The following BRINP3 variants were observed in gnomAD, a reference collection of about 807,000 sequenced individuals.
The protein encoded by BRINP3 is BMP/retinoic acid-inducible neural-specific protein 3.
Under a neutral mutation model 71.0 loss-of-function variants are expected in BRINP3, and 19 were observed. That is an observed-to-expected ratio of 0.27 (90% confidence interval 0.19 to 0.39). The LOEUF (loss-of-function observed/expected upper bound fraction) is 0.39, where lower values mean the gene tolerates loss of function less well. Ranked by LOEUF, BRINP3 falls within the 10% of genes least tolerant of loss-of-function variation. The pLI, the probability that BRINP3 is intolerant of heterozygous loss-of-function variation, is 1.00. For missense variants in BRINP3, 959 were observed against 940.8 expected (o/e 1.02, Z -0.25); for synonymous variants, 380 against 337.7 (o/e 1.13, Z -1.37).
chr1:190,250,929 A>G (rs10800938), intron 4 of BRINP3, among the ~76,000 whole-genome samples: 86,242 of 151,624 alleles, frequency 0.57, 24,777 homozygotes, highest in Admixed American at 0.69. Flanking sequence ...TAAGGAGTAT[A>G]CCCTTAACTT....
At chr1:190,467,459 T>A (rs967478976) in intron 1 of BRINP3, among the ~76,000 whole-genome samples, 12 of 151,512 alleles carry the variant, frequency 7.9e-5, no homozygotes, top group African/African-American at 2.9e-4. Context: ...AATTGCCTCC[T>A]TAACTGCCAT....
At chr1:190,147,883 T>C (rs1346920216) in intron 7 of BRINP3, among the ~76,000 whole-genome samples, 3 of 152,196 alleles carry the variant, frequency 2.0e-5, no homozygotes, top group Non-Finnish European at 4.4e-5. Flanking sequence ...CTTAGGTTAC[T>C]TCCATCTAGA....
chr1:190,334,121 A>C (rs1377746325), intron 2 of BRINP3, among the ~76,000 whole-genome samples: 1 of 151,926 alleles, frequency 6.6e-6, no homozygotes, highest in Non-Finnish European at 1.5e-5. Flanking sequence ...AATAATAAAA[A>C]AGTTAAAAAT....
intron 2 of BRINP3, among the ~76,000 whole-genome samples, chr1:190,324,696 T>C (rs985722624): frequency 1.3e-5 from 2 of 151,928 alleles, no homozygotes; most frequent in Admixed American, 1.3e-4. Context: ...TTATTTGTAA[T>C]ATTTTAAATA....
chr1:190,374,069 T>C (rs1348936507), intron 2 of BRINP3, among the ~76,000 whole-genome samples: 2 of 151,840 alleles, frequency 1.3e-5, no homozygotes, highest in African/African-American at 4.8e-5. Context: ...ATTTTCTCTT[T>C]TAAAAAATAA....
intron 3 of BRINP3, among the ~76,000 whole-genome samples, chr1:190,277,787 G>T (rs1662713657): frequency 6.6e-6 from 1 of 151,550 alleles, no homozygotes; most frequent in Non-Finnish European, 1.5e-5. Flanking sequence ...TCCCAGAAGT[G>T]CAGTCTTTTT....
chr1:190,451,192 A>AG (rs1391641470), intron 2 of BRINP3, among the ~76,000 whole-genome samples: 1 of 151,264 alleles, frequency 6.6e-6, no homozygotes, highest in Non-Finnish European at 1.5e-5. Context: ...GGAAAGAAAA[A>AG]AAAAATTTTT....
Position 190,456,369 on chromosome 1 carries a change from G to A in BRINP3, c.-50-1429C>T, listed in dbSNP as rs185047350. On this transcript the variant is annotated intron_variant, in intron 1 of 7. Transcript: ENST00000367462. The stretch of plus-strand genomic sequence containing the variant: ...TGAGTTGCTCACTGAGGGGATTAAA[G>A]CGTACCGTCTTTTGTAAACAACATG... Among the ~76,000 whole-genome samples the A allele has an allele frequency of 2.2e-4, 33 of 152,244 alleles. No individual in the cohort carries two copies. In the East Asian group the frequency reaches 5.8e-3, roughly 27 times the overall value.
chr1:190,446,238 ATTG>A (rs931652461), intron 2 of BRINP3, among the ~76,000 whole-genome samples: 18 of 152,116 alleles, frequency 1.2e-4, no homozygotes, highest in Admixed American at 2.6e-4. Context: ...ATATAGCAAT[ATTG>A]TTGTTGAACA....
intron 7 of BRINP3, among the ~76,000 whole-genome samples, chr1:190,143,473 A>G (rs1198752851): frequency 6.6e-6 from 1 of 152,224 alleles, no homozygotes; most frequent in Non-Finnish European, 1.5e-5. Flanking sequence ...TTGAGGGACC[A>G]TTCTCATACC....
At chr1:190,297,741 C>T (rs1230249898) in intron 2 of BRINP3, among the ~76,000 whole-genome samples, 1 of 150,718 alleles carries the variant, frequency 6.6e-6, no homozygotes, top group Non-Finnish European at 1.5e-5. Context: ...CTGGTCATGG[C>T]GTAAATTCCT....
chr1:190,207,311 A>T (rs967503678), intron 6 of BRINP3, among the ~76,000 whole-genome samples: 4 of 152,108 alleles, frequency 2.6e-5, no homozygotes, highest in African/African-American at 9.7e-5. Flanking sequence ...AGCCAGTGCG[A>T]CAAATTTGGT....
Position 190,141,949 on chromosome 1 carries a change from T to A in BRINP3, c.1184+18719A>T, listed in dbSNP as rs553741132. ...GTTAATGTGAGGATCAAAAAAGATA[T>A]CGATTATGAAAAATATGAATAAAAG... On this transcript the variant is annotated intron_variant, in intron 7 of 7. Coordinates refer to ENST00000367462, the MANE Select transcript of BRINP3 (RefSeq NM_199051.3). 3.3e-5 allele frequency among the ~76,000 whole-genome samples: 5 copies of A among 152,132 alleles called. No homozygotes were observed. The South Asian group carries it at 1.0e-3, about 32-fold the overall frequency.
At chr1:190,137,901 T>C (rs1655107545) in intron 7 of BRINP3, among the ~76,000 whole-genome samples, 1 of 152,152 alleles carries the variant, frequency 6.6e-6, no homozygotes, top group Admixed American at 6.6e-5. Flanking sequence ...TCTTCCATTC[T>C]ACAAATGATG....
At chr1:190,110,994 T>C (rs1652618883) in intron 7 of BRINP3, among the ~76,000 whole-genome samples, 1 of 151,786 alleles carries the variant, frequency 6.6e-6, no homozygotes, top group African/African-American at 2.4e-5. Flanking sequence ...GCTAACACGG[T>C]GAAACCCCGT....
intron 2 of BRINP3, among the ~76,000 whole-genome samples, chr1:190,388,199 T>C (rs967498322): frequency 6.6e-6 from 1 of 151,820 alleles, no homozygotes; most frequent in South Asian, 2.1e-4. Context: ...GTTCCATTTA[T>C]GAAATTATAA....
At chr1:190,330,764 G>A (rs539168812) in intron 2 of BRINP3, among the ~76,000 whole-genome samples, 1 of 152,156 alleles carries the variant, frequency 6.6e-6, no homozygotes, top group South Asian at 2.1e-4. Flanking sequence ...TAAAGATTAT[G>A]TGGTATATGC....
intron 7 of BRINP3, among the ~76,000 whole-genome samples, chr1:190,132,120 CAATGACCTTT>C (rs1654595413): frequency 6.6e-6 from 1 of 151,926 alleles, no homozygotes; most frequent in African/African-American, 2.4e-5. Flanking sequence ...TCAAATTTGC[CAATGACCTTT>C]AATTATAGAT....
At chr1:190,341,077 A>T (rs575164579) in intron 2 of BRINP3, among the ~76,000 whole-genome samples, 1 of 151,948 alleles carries the variant, frequency 6.6e-6, no homozygotes, top group African/African-American at 2.4e-5. Context: ...GATAACTGCT[A>T]TGCTCCAGTA....
Sources: allele counts gnomAD v4.1 joint callset (sites outside exome capture counted in the v4.1 genomes callset), GRCh38; gene constraint gnomAD v4.1.1; transcripts MANE v1.5; gene names NCBI Gene and HGNC (gene_info 2026-07-23, HGNC 2026-07-21).